GMDS: variants seen among roughly 807,000 people sequenced by gnomAD.
GMDS encodes GDP-mannose 4,6-dehydratase.
In GMDS, 20 loss-of-function variants were observed where a neutral mutation model predicts 49.9. That is an observed-to-expected ratio of 0.40 (90% CI 0.28 to 0.58). GMDS has a LOEUF of 0.58. Among genes scored for constraint, GMDS ranks in the 20% least tolerant of loss-of-function variants. The probability of loss-of-function intolerance (pLI) is 0.42; values close to 1 mark genes in which losing one functional copy is unlikely to be tolerated. For missense variants in GMDS, 362 were observed against 481.4 expected, an observed-to-expected ratio of 0.75 and a Z score of 2.32; for synonymous variants, 177 against 178.6, an observed-to-expected ratio of 0.99 and a Z score of 0.07.
intron 4 of GMDS, among the ~76,000 whole-genome samples, chr6:2,107,081 A>C (rs951691628): frequency 6.6e-6 from 1 of 152,190 alleles, no homozygotes; most frequent in Non-Finnish European, 1.5e-5. Flanking sequence ...ACTATTTATA[A>C]ACACATTAAG....
At chr6:2,060,715 C>A (rs558594578) in intron 4 of GMDS, among the ~76,000 whole-genome samples, 3 of 152,124 alleles carry the variant, frequency 2.0e-5, no homozygotes, top group Admixed American at 2.0e-4. Context: ...TGAGGGAACA[C>A]GTCACTGAGA....
At chr6:2,017,343 C>T (rs1767967416) in intron 4 of GMDS, among the ~76,000 whole-genome samples, 1 of 151,864 alleles carries the variant, frequency 6.6e-6, no homozygotes, top group African/African-American at 2.4e-5. Flanking sequence ...GAGTCTCACT[C>T]TGTTTGCCAG....
chr6:2,168,355 T>G (rs990350461), intron 1 of GMDS, among the ~76,000 whole-genome samples: 1 of 152,190 alleles, frequency 6.6e-6, no homozygotes, highest in Non-Finnish European at 1.5e-5. Flanking sequence ...CGCACCACTT[T>G]AAGGCCTGAG....
intron 2 of GMDS, among the ~76,000 whole-genome samples, chr6:2,123,466 T>C (rs979743807): frequency 6.6e-6 from 1 of 152,200 alleles, no homozygotes. Context: ...AATTCCTCTC[T>C]AGCCACCAAA....
intron 1 of GMDS, among the ~76,000 whole-genome samples, chr6:2,217,108 C>T (rs1304557919): frequency 6.6e-6 from 1 of 152,188 alleles, no homozygotes; most frequent in Non-Finnish European, 1.5e-5. Flanking sequence ...GCTCAGAACA[C>T]AGCTCTCAAC....
intron 7 of GMDS, among the ~76,000 whole-genome samples, chr6:1,794,662 A>G (rs1237508161): frequency 2.6e-5 from 4 of 152,210 alleles, no homozygotes; most frequent in Non-Finnish European, 5.9e-5. Flanking sequence ...TCTGGATATT[A>G]ACAATGGTAC....
chr6:1,760,919 A>G (rs2113550408), intron 7 of GMDS, among the ~76,000 whole-genome samples: 1 of 152,324 alleles, frequency 6.6e-6, no homozygotes, highest in Middle Eastern at 3.4e-3. Flanking sequence ...TGTTGGCATA[A>G]TGATTTCCCA....
At chr6:1,672,724 G>A (rs1474712063) in intron 9 of GMDS, among the ~76,000 whole-genome samples, 7 of 152,122 alleles carry the variant, frequency 4.6e-5, no homozygotes, top group Non-Finnish European at 1.0e-4. Flanking sequence ...GTTCAAATAG[G>A]TTTGCCAGAG....
intron 1 of GMDS, among the ~76,000 whole-genome samples, chr6:2,222,261 T>G (rs1012618842): frequency 2.6e-5 from 4 of 152,234 alleles, no homozygotes; most frequent in South Asian, 2.1e-4. Context: ...CCTGTCAATC[T>G]GACTGCAGAG....
chr6:1,993,981 G>C (rs1471740504), intron 4 of GMDS, among the ~76,000 whole-genome samples: 1 of 152,156 alleles, frequency 6.6e-6, no homozygotes, highest in Non-Finnish European at 1.5e-5. Context: ...CACTTTTCTA[G>C]TGCTTGAAGG....
chr6:1,736,984 C>T (rs566494344), intron 8 of GMDS, among the ~76,000 whole-genome samples: 11 of 152,138 alleles, frequency 7.2e-5, no homozygotes, highest in Non-Finnish European at 1.5e-4. Flanking sequence ...TCTTCAAGAT[C>T]GGCCTCCAGA....
intron 7 of GMDS, among the ~76,000 whole-genome samples, chr6:1,808,004 C>A (rs1770253238): frequency 6.6e-6 from 1 of 152,188 alleles, no homozygotes; most frequent in South Asian, 2.1e-4. Flanking sequence ...CAGAGGACTT[C>A]ATTTCTAGAC....
chr6:1,824,464 C>CT (rs1006754362), intron 7 of GMDS, among the ~76,000 whole-genome samples: 6 of 152,158 alleles, frequency 3.9e-5, no homozygotes, highest in Non-Finnish European at 7.3e-5. Flanking sequence ...TACGTCCACA[C>CT]TTTTTTTGTC....
intron 7 of GMDS, among the ~76,000 whole-genome samples, chr6:1,808,510 G>T (rs1308729412): frequency 6.6e-6 from 1 of 152,134 alleles, no homozygotes; most frequent in Non-Finnish European, 1.5e-5. Flanking sequence ...ACTTTCAAAA[G>T]AAATGGAATT....
chr6:2,194,497 T>C (rs1370006324), intron 1 of GMDS, among the ~76,000 whole-genome samples: 1 of 152,256 alleles, frequency 6.6e-6, no homozygotes, highest in East Asian at 1.9e-4. Context: ...ATTATAACAC[T>C]AAATTATATC....
chr6:1,819,760 CAAAAAAA>C (rs1197523577), intron 7 of GMDS, among the ~76,000 whole-genome samples: 8 of 111,338 alleles, frequency 7.2e-5, no homozygotes, highest in African/African-American at 2.7e-4. Flanking sequence ...GACTCTGCCT[CAAAAAAA>C]AAAAAAAAAA....
chr6:1,692,908 C>G (rs958746994), intron 9 of GMDS, among the ~76,000 whole-genome samples: 1 of 152,180 alleles, frequency 6.6e-6, no homozygotes, highest in Non-Finnish European at 1.5e-5. Context: ...TTTCCTGCTT[C>G]TTTGCAAGCT....
At chr6:2,053,249 T>C (rs866342015) in intron 4 of GMDS, among the ~76,000 whole-genome samples, 10 of 152,294 alleles carry the variant, frequency 6.6e-5, no homozygotes, top group Middle Eastern at 6.8e-3. Context: ...TAACGATTTG[T>C]AAATGGTCAA....
chr6:1,704,407 A>C (rs1765651898), intron 9 of GMDS, among the ~76,000 whole-genome samples: 1 of 152,152 alleles, frequency 6.6e-6, no homozygotes, highest in Non-Finnish European at 1.5e-5. Context: ...ACAGAGAGCC[A>C]CTGAGGGTAA....
Sources: gnomAD v4.1 joint callset for allele counts (sites outside exome capture counted in the v4.1 genomes callset) on GRCh38, gnomAD v4.1.1 for gene constraint, MANE v1.5 for transcripts, NCBI Gene and HGNC (gene_info 2026-07-23, HGNC 2026-07-21) for gene names.